The following RCAN2 variants were observed in gnomAD, a reference collection of about 807,000 sequenced individuals.
The protein encoded by RCAN2 is calcipressin-2.
Under a neutral mutation model 23.6 loss-of-function variants are expected in RCAN2, and 9 were observed. The ratio of observed to expected loss-of-function variants is 0.38; its 90% CI spans 0.23 to 0.67. RCAN2 has a LOEUF of 0.67. Among genes scored for constraint, RCAN2 ranks in the 30% least tolerant of loss-of-function variants. The probability of loss-of-function intolerance (pLI) is 0.51; values close to 1 mark genes in which losing one functional copy is unlikely to be tolerated. For missense variants in RCAN2, 273 were observed against 302.3 expected (o/e 0.90, Z 0.72); for synonymous variants, 109 against 115.7 (o/e 0.94, Z 0.37).
intron 2 of RCAN2, among the ~76,000 whole-genome samples, chr6:46,455,661 C>T (rs796487691): frequency 1.3e-5 from 2 of 151,722 alleles, no homozygotes; most frequent in South Asian, 4.2e-4. Context: ...TCGAGACCAT[C>T]CTGGCTAACA....
rs554756596 is a variant in RCAN2 at position 46,269,836 on chromosome 6, G to A, written c.226-20940C>T. ...CAAAGGTCTCTGCAGATTCAAGGTG[G>A]CAATGAGGGGAGGGGTACCCTTCAC... On this transcript the variant is annotated intron_variant, in intron 2 of 4. Transcript: ENST00000371374. Among the ~76,000 whole-genome samples the A allele has an allele frequency of 2.6e-5, 4 of 152,240 alleles. No individual in the cohort carries two copies. The South Asian group carries it at 8.3e-4, about 32-fold the overall frequency.
chr6:46,223,400 G>A, intron 4 of RCAN2, 99 bp from the exon 5 acceptor site: 1 of 1,114,542 alleles, frequency 9.0e-7, no homozygotes, highest in Non-Finnish European at 1.3e-6. Flanking sequence ...ATTTTCCAGG[G>A]TCTCAGGAAG....
At chr6:46,305,721 G>A (rs1244661042) in intron 2 of RCAN2, among the ~76,000 whole-genome samples, 2 of 152,006 alleles carry the variant, frequency 1.3e-5, no homozygotes, top group East Asian at 3.9e-4. Context: ...TAGCCATGGA[G>A]CTGAAAATAT....
intron 4 of RCAN2, among the ~76,000 whole-genome samples, chr6:46,231,412 AT>A (rs549485650): frequency 0.17 from 24,443 of 142,378 alleles, 1,981 homozygotes; most frequent in Middle Eastern, 0.31. Flanking sequence ...GGTTTGTGGC[AT>A]TTTTTTTTTT....
chr6:46,325,156 T>C (rs920799191), intron 2 of RCAN2, among the ~76,000 whole-genome samples: 1 of 152,190 alleles, frequency 6.6e-6, no homozygotes, highest in African/African-American at 2.4e-5. Flanking sequence ...GACCAGGGAT[T>C]ACCTAATAAA....
intron 2 of RCAN2, among the ~76,000 whole-genome samples, chr6:46,309,039 T>G (rs562151880): frequency 1.3e-5 from 2 of 152,256 alleles, no homozygotes; most frequent in Admixed American, 6.5e-5. Flanking sequence ...AGCTCCAGGC[T>G]TGGAAATAAC....
intron 1 of RCAN2, among the ~76,000 whole-genome samples, chr6:46,482,079 T>C (rs936339905): frequency 1.3e-5 from 2 of 151,972 alleles, no homozygotes; most frequent in African/African-American, 2.4e-5. Context: ...AAAAAACACT[T>C]GGGGAAAAAA....
At chr6:46,270,639 A>G (rs1767491836) in intron 2 of RCAN2, among the ~76,000 whole-genome samples, 1 of 152,136 alleles carries the variant, frequency 6.6e-6, no homozygotes, top group South Asian at 2.1e-4. Flanking sequence ...AAATAATACA[A>G]TCTGTCAAAA....
chr6:46,413,374 C>T (rs1342330235), intron 2 of RCAN2, among the ~76,000 whole-genome samples: 8 of 152,104 alleles, frequency 5.3e-5, no homozygotes, highest in South Asian at 2.1e-4. Flanking sequence ...AAATTAGAAA[C>T]GGTAGGCAGT....
intron 2 of RCAN2, among the ~76,000 whole-genome samples, chr6:46,426,053 C>T (rs1767023349): frequency 6.6e-6 from 1 of 151,978 alleles, no homozygotes; most frequent in African/African-American, 2.4e-5. Context: ...TGCCCACCAC[C>T]ATGCCCAGCT....
At chr6:46,382,638 T>C (rs574270378) in intron 2 of RCAN2, among the ~76,000 whole-genome samples, 74 of 152,334 alleles carry the variant, frequency 4.9e-4, no homozygotes, top group Non-Finnish European at 9.1e-4. Flanking sequence ...AGCGCTCCAA[T>C]GCATAATTTA....
intron 3 of RCAN2, 98 bp from the exon 4 acceptor site, chr6:46,247,017 A>G: frequency 9.7e-7 from 1 of 1,033,976 alleles, no homozygotes; most frequent in Non-Finnish European, 1.4e-6. Context: ...GCCTGCGACA[A>G]ATGAACCGAT....
intron 1 of RCAN2, among the ~76,000 whole-genome samples, chr6:46,469,468 G>T (rs1376142013): frequency 6.6e-6 from 1 of 152,170 alleles, no homozygotes; most frequent in Admixed American, 6.5e-5. Context: ...GGTAGCAAAG[G>T]GTAGTAAGAT....
At chr6:46,308,188 A>G (rs1455418115) in intron 2 of RCAN2, among the ~76,000 whole-genome samples, 1 of 152,172 alleles carries the variant, frequency 6.6e-6, no homozygotes, top group African/African-American at 2.4e-5. Context: ...CAACTGTGAA[A>G]CAAGGATGAT....
intron 2 of RCAN2, among the ~76,000 whole-genome samples, chr6:46,395,506 C>T (rs981885483): frequency 1.3e-5 from 2 of 152,174 alleles, no homozygotes; most frequent in Admixed American, 1.3e-4. Flanking sequence ...TAAAATAACA[C>T]ATCTAATAGT....
intron 2 of RCAN2, among the ~76,000 whole-genome samples, chr6:46,392,561 T>C (rs528636797): frequency 6.6e-6 from 1 of 152,282 alleles, no homozygotes; most frequent in African/African-American, 2.4e-5. Flanking sequence ...AGACCATCCA[T>C]AACAAGGAAG....
intron 1 of RCAN2, among the ~76,000 whole-genome samples, chr6:46,472,902 A>T (rs1292152766): frequency 6.6e-6 from 1 of 152,194 alleles, no homozygotes; most frequent in Non-Finnish European, 1.5e-5. Flanking sequence ...AGATCTAGGG[A>T]TTTTCACCCA....
rs1463376036 is a variant in RCAN2 at position 46,246,942 on chromosome 6, A to C, written c.400-23T>G. ...AACCTTTCAAATAGAGTAGAGATGA[A>C]GAAACTTATTCATCATGGCTTCAGA... is the stretch of plus-strand genomic sequence containing the variant. On this transcript the variant is annotated intron_variant, in intron 3 of 4. Transcript: ENST00000371374. The C allele has an allele frequency of 1.9e-5, 29 of 1,487,382 alleles. No homozygotes were observed. The East Asian group carries it at 7.1e-4, about 36-fold the overall frequency. 92.1% of individuals were successfully genotyped at this position (1,487,382 alleles called of 1,614,324 possible). A position where few individuals can be genotyped will look rare whatever the true frequency, so the allele number is the denominator to read the frequency against.
intron 2 of RCAN2, among the ~76,000 whole-genome samples, chr6:46,429,023 T>A (rs796922705): frequency 3.3e-4 from 51 of 152,336 alleles, no homozygotes; most frequent in African/African-American, 1.2e-3. Flanking sequence ...GCCTCAGAGA[T>A]AATATCAGGT....
Sources: allele counts gnomAD v4.1 joint callset (sites outside exome capture counted in the v4.1 genomes callset), GRCh38; gene constraint gnomAD v4.1.1; transcripts MANE v1.5; gene names NCBI Gene and HGNC (gene_info 2026-07-23, HGNC 2026-07-21).